Variants in TMEM165 observed in about 807,000 individuals in gnomAD.
TMEM165 encodes the protein transmembrane protein 165.
Under a neutral mutation model 30.0 loss-of-function variants are expected in TMEM165, and 19 were observed. The observed-to-expected ratio is 0.63, with a 90% CI of 0.44 to 0.93. The LOEUF (loss-of-function observed/expected upper bound fraction) is 0.93. TMEM165 is among the 40% of genes least tolerant of loss of function. The pLI is 0.00. For synonymous variants in TMEM165, 168 were observed against 162.9 expected (o/e 1.03, Z -0.24); for missense variants, 340 against 417.0 (o/e 0.82, Z 1.61).
At chr4:55,450,549 C>T (rs1724343318) in intron 3 of TMEM165, among the ~76,000 whole-genome samples, 1 of 152,152 alleles carries the variant, frequency 6.6e-6, no homozygotes, top group Non-Finnish European at 1.5e-5. Flanking sequence ...AGGCAGATCA[C>T]CTGAGGTCAG....
rs1354667003 is a variant in TMEM165 at position 55,396,115 on chromosome 4, C to G, written c.-75C>G. On this transcript the variant is annotated 5_prime_UTR_variant, in exon 1 of 6. Transcript: ENST00000381334. ...GAGTCGTGAGGACGCGCCGCGGAGG[C>G]TGTTCGGGGTCGAGGCTTCCCGTCG... 7.4e-6 allele frequency: 9 copies of G among 1,220,216 alleles called. No homozygotes were observed. The Admixed American group carries it at 3.9e-4, about 52-fold the overall frequency. The allele number at this position is 1,220,216 out of a possible 1,614,324, so 75.6% of individuals were successfully genotyped here. A position where few individuals can be genotyped will look rare whatever the true frequency, so the allele number is the denominator to read the frequency against.
chr4:55,403,365 A>T, intron 1 of TMEM165: 1 of 1,139,398 alleles, frequency 8.8e-7, no homozygotes, highest in Non-Finnish European at 1.1e-6. Flanking sequence ...CAATACAGTC[A>T]CATTTGTGTT....
At chr4:55,437,790 T>C (rs1288243627) in intron 3 of TMEM165, among the ~76,000 whole-genome samples, 1 of 152,192 alleles carries the variant, frequency 6.6e-6, no homozygotes, top group Admixed American at 6.5e-5. Context: ...ATACATATAC[T>C]TAGCTCATAG....
chr4:55,442,344 TTAAAAAA>T, intron 3 of TMEM165: 1 of 1,172,692 alleles, frequency 8.5e-7, no homozygotes, highest in Non-Finnish European at 1.3e-6. Context: ...TAAAATCACA[TTAAAAAA>T]TTTGATTAAG....
exon 4 of TMEM165, chr4:55,453,077 G>A (rs6855837): frequency 6.2e-7 from 1 of 1,611,624 alleles, no homozygotes; most frequent in Non-Finnish European, 8.5e-7. Flanking sequence ...GTCTCAGGAA[G>A]AGACTCTTCA....
chr4:55,453,155 T>G, exon 4 of TMEM165: 1 of 1,576,312 alleles, frequency 6.3e-7, no homozygotes, highest in Non-Finnish European at 8.7e-7. Context: ...ATAATCAAAT[T>G]TTAGTGTCTG....
At chr4:55,453,176 TA>T (rs746844681) in exon 4 of TMEM165, 1 of 1,422,992 alleles carries the variant, frequency 7.0e-7, no homozygotes, top group Non-Finnish European at 9.9e-7. Context: ...GTCATTCGTT[TA>T]AAATACTGCA....
intron 3 of TMEM165, chr4:55,444,006 A>G: frequency 2.3e-6 from 2 of 883,468 alleles, no homozygotes; most frequent in Non-Finnish European, 3.5e-6. Flanking sequence ...AGCAAGTAAC[A>G]AGGCTAAGTC....
At chr4:55,446,606 A>G (rs1327095683) in intron 3 of TMEM165, among the ~76,000 whole-genome samples, 1 of 152,214 alleles carries the variant, frequency 6.6e-6, no homozygotes, top group African/African-American at 2.4e-5. Context: ...GAATAAACGC[A>G]TACATGAATG....
At chr4:55,400,202 AATTTAT>A (rs1439978235) in intron 1 of TMEM165, among the ~76,000 whole-genome samples, 2 of 75,048 alleles carry the variant, frequency 2.7e-5, no homozygotes, top group Non-Finnish European at 4.5e-5. Context: ...ATAAATATAT[AATTTAT>A]ATTTATATTA....
chr4:55,398,624 GT>G (rs1720826229), intron 1 of TMEM165, among the ~76,000 whole-genome samples: 2 of 152,110 alleles, frequency 1.3e-5, no homozygotes, highest in African/African-American at 4.8e-5. Flanking sequence ...GTTGTGGCAT[GT>G]TTACACACAC....
chr4:55,447,528 AG>A (rs1160901284), intron 3 of TMEM165, among the ~76,000 whole-genome samples: 5 of 152,222 alleles, frequency 3.3e-5, no homozygotes, highest in Non-Finnish European at 5.9e-5. Context: ...GTAGGATAAC[AG>A]GAAGTAAAAC....
chr4:55,405,027 T>TA (rs1232763946), intron 1 of TMEM165, among the ~76,000 whole-genome samples: 8 of 152,220 alleles, frequency 5.3e-5, no homozygotes, highest in African/African-American at 1.9e-4. Flanking sequence ...TGGCTCGAAA[T>TA]ATCTAAGATA....
chr4:55,408,230 T>C (rs1327500590), intron 1 of TMEM165, among the ~76,000 whole-genome samples: 1 of 152,246 alleles, frequency 6.6e-6, no homozygotes, highest in Non-Finnish European at 1.5e-5. Flanking sequence ...CAGGACCAGC[T>C]TAGTATGTAA....
chr4:55,403,034 C>T (rs1721097579), intron 1 of TMEM165, among the ~76,000 whole-genome samples: 1 of 151,310 alleles, frequency 6.6e-6, no homozygotes, highest in Admixed American at 6.6e-5. Flanking sequence ...TCGTGATCCG[C>T]CCGCCTGGGC....
chr4:55,412,393 C>CAAAACAAAAA (rs1721544293), intron 2 of TMEM165, among the ~76,000 whole-genome samples: 1 of 54,366 alleles, frequency 1.8e-5, no homozygotes, highest in African/African-American at 7.6e-5. Context: ...GACTCCATCT[C>CAAAACAAAAA]AAAAAAAAAA....
At chr4:55,447,992 TCC>T (rs1171657707) in intron 3 of TMEM165, among the ~76,000 whole-genome samples, 1 of 151,702 alleles carries the variant, frequency 6.6e-6, no homozygotes, top group African/African-American at 2.4e-5. Flanking sequence ...TTGGAATTAC[TCC>T]CCCTTTTTTT....
chr4:55,417,697 TG>T, intron 3 of TMEM165, 105 bp from the exon 4 acceptor site: 1 of 943,562 alleles, frequency 1.1e-6, no homozygotes. Context: ...GTAGTTTTTT[TG>T]GAGCATATTT....
chr4:55,416,736 G>A (rs967693109), intron 2 of TMEM165, among the ~76,000 whole-genome samples: 2 of 152,046 alleles, frequency 1.3e-5, no homozygotes, highest in African/African-American at 4.8e-5. Context: ...TTCTACCCCA[G>A]GTACTGTGCC....
Sources: allele counts gnomAD v4.1 joint callset (sites outside exome capture counted in the v4.1 genomes callset), GRCh38; gene constraint gnomAD v4.1.1; transcripts MANE v1.5; gene names NCBI Gene and HGNC (gene_info 2026-07-23, HGNC 2026-07-21).